The following ASAH1 variants were observed in gnomAD, a reference collection of about 807,000 sequenced individuals.
ASAH1 encodes N-acylsphingosine amidohydrolase 1, also known as acid ceramidase.
In ASAH1, 70 loss-of-function variants were observed where a neutral mutation model predicts 59.5. That is an observed-to-expected ratio of 1.18 (90% CI 0.97 to 1.43). The LOEUF (loss-of-function observed/expected upper bound fraction) is 1.43. Among genes scored for constraint, ASAH1 ranks in the 40% most tolerant of loss-of-function variants. The probability of loss-of-function intolerance (pLI) is 0.00; values close to 1 mark genes in which losing one functional copy is unlikely to be tolerated. For synonymous variants in ASAH1, 213 were observed against 166.5 expected, an observed-to-expected ratio of 1.28 and a Z score of -2.15; for missense variants, 660 against 482.5, an observed-to-expected ratio of 1.37 and a Z score of -3.45.
At chr8:18,070,756 C>T (rs1376216993) in intron 3 of ASAH1, among the ~76,000 whole-genome samples, 8 of 152,102 alleles carry the variant, frequency 5.3e-5, no homozygotes, top group South Asian at 4.1e-4. Context: ...TGTCACTTAA[C>T]GTATAGGGCA....
intron 7 of ASAH1, chr8:18,062,900 T>C: frequency 3.0e-6 from 1 of 337,140 alleles, no homozygotes; most frequent in Non-Finnish European, 5.4e-6. Flanking sequence ...AGATGGAGTC[T>C]GGCTCTGTAT....
chr8:18,067,130 G>GCACCTGTGCTGTATATCTAAGACATACAA, intron 5 of ASAH1, 90 bp downstream of exon 5: 4 of 566,076 alleles, frequency 7.1e-6, no homozygotes, highest in South Asian at 5.1e-5. Context: ...AAGACATACA[G>GCACCTGTGCTGTATATCTAAGACATACAA]CACCTGTGCT....
chr8:18,067,101 G>GCACCTGTGCTGTATATCTAAGACATACAT, intron 5 of ASAH1, 119 bp downstream of exon 5: 4 of 874,414 alleles, frequency 4.6e-6, no homozygotes, highest in Non-Finnish European at 6.5e-6. Flanking sequence ...TAAGACCTGT[G>GCACCTGTGCTGTATATCTAAGACATACAT]CACCTGTGCT....
intron 2 of ASAH1, among the ~76,000 whole-genome samples, chr8:18,074,866 A>G (rs971706105): frequency 2.0e-5 from 3 of 152,168 alleles, no homozygotes; most frequent in Admixed American, 6.5e-5. Flanking sequence ...TTTTTGTTAC[A>G]ATATAATTTG....
chr8:18,083,956 T>C, intron 1 of ASAH1, 25 bp downstream of exon 1: 2 of 1,593,798 alleles, frequency 1.3e-6, no homozygotes, highest in Non-Finnish European at 1.7e-6. Context: ...CGCCCCTCTC[T>C]GCGCCTCGGC....
At chr8:18,084,313 T>C (rs1268483182), upstream of ASAH1, 3 of 1,426,850 alleles carry the variant, frequency 2.1e-6, no homozygotes, top group East Asian at 5.1e-5. Context: ...GCGATCGCCT[T>C]TGGCGCGTGG....
At chr8:18,073,305 AC>A (rs1402509687) in intron 2 of ASAH1, 1 of 1,565,024 alleles carries the variant, frequency 6.4e-7, no homozygotes. Context: ...AATAAAAAAA[AC>A]ACTTAGCAGC....
intron 3 of ASAH1, 56 bp downstream of exon 3, chr8:18,071,244 G>T: frequency 2.4e-6 from 2 of 841,236 alleles, no homozygotes; most frequent in Non-Finnish European, 3.2e-6. Flanking sequence ...TAAAAATAAA[G>T]AAATAAAATA....
intron 1 of ASAH1, 134 bp downstream of exon 1, chr8:18,083,847 G>T: frequency 6.6e-7 from 1 of 1,506,096 alleles, no homozygotes; most frequent in Non-Finnish European, 8.9e-7. Flanking sequence ...CCCTGTGCAC[G>T]AAACCACAGA....
chr8:18,071,862 A>G (rs1326346233), intron 2 of ASAH1, among the ~76,000 whole-genome samples: 1 of 152,240 alleles, frequency 6.6e-6, no homozygotes, highest in Non-Finnish European at 1.5e-5. Flanking sequence ...TTTAAGCCCC[A>G]GATGGCAACA....
intron 5 of ASAH1, chr8:18,064,787 C>T (rs1377312129): frequency 1.2e-5 from 5 of 425,042 alleles, no homozygotes. Flanking sequence ...TCCAACATCA[C>T]ATCCAAAATG....
chr8:18,082,227 GGTT>G (rs1800683078), intron 1 of ASAH1, among the ~76,000 whole-genome samples: 1 of 152,144 alleles, frequency 6.6e-6, no homozygotes, highest in East Asian at 1.9e-4. Context: ...TCCATTGAGA[GGTT>G]GTTAATTCTT....
intron 5 of ASAH1, 67 bp from the exon 6 acceptor site, chr8:18,064,598 GAA>G (rs1799852802): frequency 1.0e-6 from 1 of 957,880 alleles, no homozygotes; most frequent in African/African-American, 1.6e-5. Context: ...TTTGTTTTAA[GAA>G]AAAGTTTCAG....
chr8:18,064,263 T>C, intron 6 of ASAH1, 194 bp downstream of exon 6: 1 of 594,450 alleles, frequency 1.7e-6, no homozygotes, highest in Non-Finnish European at 3.0e-6. Flanking sequence ...TCAACTTTAA[T>C]AGGCAGTACA....
chr8:18,064,802 T>C (rs1196982957), intron 5 of ASAH1: 3 of 369,100 alleles, frequency 8.1e-6, no homozygotes, highest in Non-Finnish European at 9.8e-6. Context: ...AAAATGTTTA[T>C]CAACATGCTT....
chr8:18,083,781 C>G, intron 1 of ASAH1, 200 bp downstream of exon 1: 1 of 1,042,830 alleles, frequency 9.6e-7, no homozygotes, highest in Non-Finnish European at 1.4e-6. Context: ...GTTCTAGTTG[C>G]AGGTAGCACC....
intron 1 of ASAH1, among the ~76,000 whole-genome samples, chr8:18,080,048 T>C (rs1007479744): frequency 6.6e-6 from 1 of 152,212 alleles, no homozygotes; most frequent in Admixed American, 6.5e-5. Flanking sequence ...CAAGCAGTAT[T>C]TGTTGAATAA....
intron 5 of ASAH1, chr8:18,065,742 G>C (rs960198000): frequency 6.6e-6 from 1 of 152,044 alleles, no homozygotes; most frequent in Non-Finnish European, 1.5e-5. Context: ...CTAATTTGAA[G>C]ACTTACTATA....
chr8:18,065,422 A>G (rs902822777), intron 5 of ASAH1: 4 of 152,158 alleles, frequency 2.6e-5, no homozygotes, highest in African/African-American at 9.7e-5. Flanking sequence ...TTGTTGATAA[A>G]TACTACTGAT....
Sources: gnomAD v4.1 joint callset for allele counts (sites outside exome capture counted in the v4.1 genomes callset) on GRCh38, gnomAD v4.1.1 for gene constraint, MANE v1.5 for transcripts, NCBI Gene and HGNC (gene_info 2026-07-23, HGNC 2026-07-21) for gene names.